Variants in MVP observed in about 807,000 individuals in gnomAD.
The protein encoded by MVP is lung resistance-related protein.
In MVP, 62 loss-of-function variants were observed where a neutral mutation model predicts 83.5. The ratio of observed to expected loss-of-function variants is 0.74; its 90% CI spans 0.61 to 0.92. The LOEUF (loss-of-function observed/expected upper bound fraction) is 0.92, where lower values mean the gene tolerates loss of function less well. MVP is among the 40% of genes least tolerant of loss of function. The pLI is 0.00. For synonymous variants in MVP, 505 were observed against 504.1 expected, an observed-to-expected ratio of 1.00 and a Z score of -0.02; for missense variants, 1,000 against 1,203.4, an observed-to-expected ratio of 0.83 and a Z score of 2.50.
chr16:29,837,456 A>G (rs1475757654), intron 7 of MVP, among the ~76,000 whole-genome samples: 1 of 152,196 alleles, frequency 6.6e-6, no homozygotes, highest in African/African-American at 2.4e-5. Flanking sequence ...AAAATACAAT[A>G]TAAAAGCTTC....
At chr16:29,829,321 C>CA (rs111710389) in intron 1 of MVP, among the ~76,000 whole-genome samples, 6,967 of 142,950 alleles carry the variant, frequency 0.049, 511 homozygotes, top group African/African-American at 0.16. Context: ...CTCATCTCTC[C>CA]AAAAAAAAAA....
In MVP at chr16:29,840,304, G is replaced by A. The variant is rs1348305374; in HGVS notation, c.1036G>A (p.Glu346Lys). ...GCAGCCCCTGGAGGAGGGGGAGGAT[G>A]AGGAGAAGGTCTCACACCAGGCTGG... ...ALQPLEEGED[E>K]EKVSHQAGDH... Residue 346 changes from glutamate (E) to lysine (K), a missense_variant, in exon 8 of 15, where the codon GAG (glutamate) becomes AAG (lysine). Glu to Lys is a moderately conservative substitution (Grantham distance 56). Coordinates refer to ENST00000357402, the MANE Select transcript of MVP (RefSeq NM_005115.5). The A allele has an allele frequency of 1.2e-6, 2 of 1,613,328 alleles. No individual in the cohort carries two copies. Among genetic ancestry groups the A allele is most frequent in the Admixed American group, 1.7e-5 (1 of 59,826 alleles).
chr16:29,840,713 G>T (rs112320118), intron 8 of MVP, among the ~76,000 whole-genome samples: 1 of 152,112 alleles, frequency 6.6e-6, no homozygotes, highest in Non-Finnish European at 1.5e-5. Context: ...AGGCCGAGGC[G>T]GGCGGATCAC....
chr16:29,835,737 A>G lies in MVP; in HGVS notation c.611A>G (p.Tyr204Cys). Residue 204 changes from tyrosine to cysteine, a missense_variant, in exon 6 of 15, where the codon TAC becomes TGC. Tyr to Cys is a radical substitution (Grantham distance 194). Coordinates refer to ENST00000357402, the MANE Select transcript of MVP (RefSeq NM_005115.5). ...TGGCTGGTCACCACAGTAGGGGCGT[A>G]CCTCCCAGCGGTGTTTGAGGAGGTT... ...EEWLVTTVGA[Y>C]LPAVFEEVLD... 1 of 1,613,348 alleles carries G rather than the reference A, an allele frequency of 6.2e-7. No individual in the cohort carries two copies. The highest frequency in any genetic ancestry group is 8.5e-7 in the Non-Finnish European group (1 of 1,179,882).
chr16:29,821,654 G>A (rs1434243748), intron 1 of MVP, among the ~76,000 whole-genome samples: 4 of 152,206 alleles, frequency 2.6e-5, no homozygotes, highest in Non-Finnish European at 5.9e-5. Flanking sequence ...CTCCTAGTTT[G>A]TGGTCTCTAC....
At chr16:29,837,337 G>T (rs540169974) in intron 7 of MVP, among the ~76,000 whole-genome samples, 1 of 152,238 alleles carries the variant, frequency 6.6e-6, no homozygotes, top group Non-Finnish European at 1.5e-5. Context: ...AGATGGCGTA[G>T]CCTGCCCCTA....
intron 3 of MVP, chr16:29,831,828 C>T: frequency 2.4e-6 from 1 of 420,802 alleles, no homozygotes; most frequent in East Asian, 7.2e-5. Context: ...CAGCCAGGCT[C>T]TTGTCCCCGT....
Position 29,822,372 on chromosome 16 carries a change from TCTC to T in MVP, c.-36+1865_-36+1867del, listed in dbSNP as rs1436430683. On this transcript the variant is annotated intron_variant, in intron 1 of 14. Transcript: ENST00000357402. ...ACACATTCTCAATTTCCATTAATCA[TCTC>T]CTAAAGGGGGTAAACCAGGAAGCCG... 2.6e-5 allele frequency among the ~76,000 whole-genome samples: 4 copies of T among 151,988 alleles called. No homozygotes were observed. In the East Asian group the frequency reaches 7.7e-4, roughly 29 times the overall value.
chr16:29,833,821 T>A lies in MVP; in HGVS notation c.410T>A (p.Val137Glu). Residue 137 changes from valine (V) to glutamate (E), a missense_variant, in exon 4 of 15, where the codon GTG (valine) becomes GAG (glutamate). Physicochemically the swap from Val to Glu is moderately radical, Grantham distance 121 (BLOSUM62 -2). Transcript: ENST00000357402. Reference sequence around the variant, plus strand: ...TTTGAGGATAAAGATGGAGACAAGGTGGTGGCAGGAGATGAGTGGCTTTTC... The same window carrying A: ...TTTGAGGATAAAGATGGAGACAAGGAGGTGGCAGGAGATGAGTGGCTTTTC... ...LDFEDKDGDK[V>E]VAGDEWLFEG... is the part of the protein sequence containing the mutation. 1 of 1,614,036 alleles carries A rather than the reference T, an allele frequency of 6.2e-7. No homozygotes were observed. Among genetic ancestry groups the A allele is most frequent in the Non-Finnish European group, 8.5e-7 (1 of 1,180,000 alleles).
chr16:29,827,496 G>T (rs2067412532), intron 1 of MVP, among the ~76,000 whole-genome samples: 1 of 152,134 alleles, frequency 6.6e-6, no homozygotes, highest in East Asian at 1.9e-4. Flanking sequence ...TTCCACCAGG[G>T]TTCTAGTCCC....
chr16:29,839,462 T>C (rs1294963245), intron 7 of MVP, among the ~76,000 whole-genome samples: 2 of 152,118 alleles, frequency 1.3e-5, no homozygotes, highest in African/African-American at 4.8e-5. Context: ...AAATTTCATA[T>C]GTGGATTATA....
At chr16:29,847,410 G>A (rs1416850938) in intron 14 of MVP, 25 bp downstream of exon 14, 3 of 1,519,972 alleles carry the variant, frequency 2.0e-6, no homozygotes, top group East Asian at 4.6e-5. Context: ...AGGTGTGTTG[G>A]TTTCAGGACC....
intron 6 of MVP, among the ~76,000 whole-genome samples, chr16:29,836,332 T>TG (rs2150755525): frequency 6.6e-6 from 1 of 151,136 alleles, no homozygotes; most frequent in South Asian, 2.1e-4. Context: ...CCTAGCATTT[T>TG]GGGAGGCTGA....
chr16:29,834,013 G>C lies in MVP; in HGVS notation c.524G>C (p.Arg175Pro). ...ATIIRQNQAL[R>P]LRARKECWDR... ...ATCATCAGGCAGAACCAGGCTCTGC[G>C]GCTCAGGGCCCGCAAGGAGTGCTGG... is the stretch of plus-strand genomic sequence containing the variant. The change falls in exon 5 of 15, where the codon CGG (arginine) becomes CCG (proline). Residue 175 changes from arginine to proline, a missense_variant. Physicochemically the swap from Arg to Pro is moderately radical, Grantham distance 103. Coordinates refer to ENST00000357402, the MANE Select transcript of MVP (RefSeq NM_005115.5). 15 of 1,614,040 alleles carry C rather than the reference G, an allele frequency of 9.3e-6. No homozygotes were observed. The highest frequency in any genetic ancestry group is 1.2e-5 in the Non-Finnish European group (14 of 1,179,976).
chr16:29,840,790 C>T (rs189222650), intron 8 of MVP, among the ~76,000 whole-genome samples: 3 of 152,112 alleles, frequency 2.0e-5, no homozygotes, highest in African/African-American at 7.2e-5. Context: ...AAAGTACAAA[C>T]ATTAGTCAGG....
In MVP at chr16:29,830,935, G is replaced by GACATCAAACA; in HGVS notation, c.183_184insACATCAAACA (p.Ala62ThrfsTer18). 1 of 1,614,010 alleles carries GACATCAAACA rather than the reference G, an allele frequency of 6.2e-7. No homozygotes were observed. Among genetic ancestry groups the GACATCAAACA allele is most frequent in the East Asian group, 2.2e-5 (1 of 44,860 alleles). ...TCCCCCCACGTCACTACTGCACAGT[G>GACATCAAACA]GCCAACCCTGTGTCTCGGGATGCCC... On this transcript the variant is annotated frameshift_variant, in exon 3 of 15. Transcript: ENST00000357402. LOFTEE classifies it high-confidence loss of function.
At chr16:29,836,165 C>T (rs910204621) in intron 6 of MVP, among the ~76,000 whole-genome samples, 3 of 150,658 alleles carry the variant, frequency 2.0e-5, no homozygotes, top group Non-Finnish European at 4.4e-5. Context: ...ACTCCAGAGG[C>T]GCTGAGGCAG....
intron 10 of MVP, among the ~76,000 whole-genome samples, chr16:29,842,914 G>A (rs2067546703): frequency 6.6e-6 from 1 of 152,236 alleles, no homozygotes; most frequent in African/African-American, 2.4e-5. Flanking sequence ...GTTAAAAGAT[G>A]CATGGGACAC....
In MVP at chr16:29,824,211, C is replaced by CAAAAAAAAAAA. The variant is rs61338952; in HGVS notation, c.-36+3721_-36+3731dup. 3.0e-4 allele frequency among the ~76,000 whole-genome samples: 12 copies of CAAAAAAAAAAA among 39,668 alleles called. 3 individuals are homozygous for CAAAAAAAAAAA. The highest frequency in any genetic ancestry group is 4.9e-4 in the Non-Finnish European group (9 of 18,402). 26.0% of individuals were successfully genotyped at this position (39,668 alleles called of 152,430 possible). A position where few individuals can be genotyped will look rare whatever the true frequency, so the allele number is the denominator to read the frequency against. Reference sequence around the variant, plus strand: ...GGGCAACAAGCACGAAACTCCATCTCAAAAAAAAAAAAAAAAAAAAAAAAA... The same window carrying CAAAAAAAAAAA: ...GGGCAACAAGCACGAAACTCCATCTCAAAAAAAAAAAAAAAAAAAAAAAAAAAAAAAAAAAA... On this transcript the variant is annotated intron_variant, in intron 1 of 14. Transcript: ENST00000357402.
Sources: gnomAD v4.1 joint callset for allele counts (sites outside exome capture counted in the v4.1 genomes callset) on GRCh38, gnomAD v4.1.1 for gene constraint, MANE v1.5 for transcripts, NCBI Gene and HGNC (gene_info 2026-07-23, HGNC 2026-07-21) for gene names.